Variants in D2HGDH observed in about 807,000 individuals in gnomAD.
D2HGDH encodes the protein D-2-hydroxyglutarate dehydrogenase, mitochondrial.
D2HGDH carries 31 observed loss-of-function variants against 46.9 expected under a neutral mutation model. The ratio of observed to expected loss-of-function variants is 0.66; its 90% CI spans 0.50 to 0.89. The LOEUF (loss-of-function observed/expected upper bound fraction) is 0.89, where lower values mean the gene tolerates loss of function less well. Among genes scored for constraint, D2HGDH ranks in the 40% least tolerant of loss-of-function variants. The pLI, the probability that D2HGDH is intolerant of heterozygous loss-of-function variation, is 0.00. For synonymous variants in D2HGDH, 364 were observed against 332.6 expected (o/e 1.09, Z -1.03); for missense variants, 698 against 720.8 (o/e 0.97, Z 0.36).
intron 9 of D2HGDH, among the ~76,000 whole-genome samples, chr2:241,760,662 C>G (rs893342498): frequency 6.6e-6 from 1 of 151,406 alleles, no homozygotes; most frequent in Non-Finnish European, 1.5e-5. Flanking sequence ...GGGCCTTACC[C>G]AATCAGTCGA....
intron 2 of D2HGDH, among the ~76,000 whole-genome samples, chr2:241,736,586 T>C (rs1692891028): frequency 6.6e-6 from 1 of 152,212 alleles, no homozygotes; most frequent in South Asian, 2.1e-4. Context: ...AAGACACTTC[T>C]CATTGGATTG....
At chr2:241,759,998 C>T (rs1484498640) in intron 9 of D2HGDH, among the ~76,000 whole-genome samples, 2 of 152,278 alleles carry the variant, frequency 1.3e-5, no homozygotes, top group Non-Finnish European at 2.9e-5. Flanking sequence ...GGAGATCTCC[C>T]ACCACAGTGT....
chr2:241,758,480 A>C (rs531197801), intron 9 of D2HGDH, among the ~76,000 whole-genome samples: 4 of 151,772 alleles, frequency 2.6e-5, no homozygotes, highest in Non-Finnish European at 5.9e-5. Context: ...GGATGCCCCC[A>C]CACCCTTTTT....
Position 241,753,615 on chromosome 2 carries a change from G to A in D2HGDH, c.1140+2227G>A, listed in dbSNP as rs554921409. ...CTGCCGCGGGGGCCCTGTGTTCAAC[G>A]GGGGACACTCAGCCCTGCCCAGGCC... On this transcript the variant is annotated intron_variant, in intron 8 of 9. Transcript: ENST00000321264. 2.4e-3 allele frequency among the ~76,000 whole-genome samples: 370 copies of A among 152,332 alleles called. 1 individual carries two copies. The highest frequency in any genetic ancestry group is 0.016 in the South Asian group (76 of 4,818).
Position 241,755,993 on chromosome 2 carries a change from G to T in D2HGDH, c.1285G>T (p.Val429Leu). 4.4e-6 allele frequency: 7 copies of T among 1,602,494 alleles called. No individual in the cohort carries two copies. The highest frequency in any genetic ancestry group is 6.0e-6 in the Non-Finnish European group (7 of 1,171,776). Residue 429 changes from valine (V) to leucine (L), a missense_variant, in exon 9 of 10, where the codon GTG becomes TTG. Transcript: ENST00000321264. Reference sequence around the variant, plus strand: ...CCGCCTCGGCCCGCACGCCAAGCACGTGGTGGGCTATGGCCACCTTGGTGA... The same window carrying T: ...CCGCCTCGGCCCGCACGCCAAGCACTTGGTGGGCTATGGCCACCTTGGTGA... ...RARLGPHAKH[V>L]VGYGHLGDGN...
intron 8 of D2HGDH, among the ~76,000 whole-genome samples, chr2:241,752,628 G>A (rs1697448896): frequency 6.6e-6 from 1 of 152,040 alleles, no homozygotes; most frequent in African/African-American, 2.4e-5. Flanking sequence ...GAAAGAGCAG[G>A]ACAGCCGCCG....
chr2:241,754,225 A>G (rs566482390), intron 8 of D2HGDH, among the ~76,000 whole-genome samples: 65 of 152,316 alleles, frequency 4.3e-4, no homozygotes, highest in African/African-American at 1.5e-3. Flanking sequence ...TGCCCGCCAG[A>G]CCATGGAGGC....
rs1445959568 is a variant in D2HGDH at position 241,751,408 on chromosome 2, C to T, written c.1140+20C>T. On this transcript the variant is annotated intron_variant, in intron 8 of 9. Coordinates refer to ENST00000321264, the MANE Select transcript of D2HGDH (RefSeq NM_152783.5). ...GTCAAGGTGCCCTGTGTCCTGCTTG[C>T]AGGTCCCCGCTCTCTGTCCGTCCAG... 2 of 1,612,176 alleles carry T rather than the reference C, an allele frequency of 1.2e-6. No individual in the cohort carries two copies. Among genetic ancestry groups the T allele is most frequent in the South Asian group, 1.1e-5 (1 of 90,924 alleles).
intron 6 of D2HGDH, 128 bp downstream of exon 6, chr2:241,745,005 C>G: frequency 8.0e-7 from 1 of 1,242,786 alleles, no homozygotes; most frequent in South Asian, 1.3e-5. Context: ...TCCCGTGTCT[C>G]CTGACATCTC....
At chr2:241,755,725 G>A (rs1366819174) in intron 8 of D2HGDH, 124 bp from the exon 9 acceptor site, 11 of 1,589,038 alleles carry the variant, frequency 6.9e-6, no homozygotes, top group Non-Finnish European at 9.4e-6. Flanking sequence ...TTGCTGTCCG[G>A]GGTCGGAGCC....
chr2:241,737,134 C>T (rs1053818995), intron 2 of D2HGDH, among the ~76,000 whole-genome samples: 1 of 152,034 alleles, frequency 6.6e-6, no homozygotes, highest in African/African-American at 2.4e-5. Flanking sequence ...ACGCCCGGCT[C>T]ATTCTTTTTG....
At chr2:241,764,278 T>G (rs1699086246) in intron 9 of D2HGDH, among the ~76,000 whole-genome samples, 1 of 152,220 alleles carries the variant, frequency 6.6e-6, no homozygotes, top group Admixed American at 6.5e-5. Flanking sequence ...AGAAATAGTT[T>G]TCTGTCTACC....
chr2:241,735,701 AC>A (rs1692586653), intron 2 of D2HGDH, among the ~76,000 whole-genome samples, 185 bp downstream of exon 2: 1 of 152,106 alleles, frequency 6.6e-6, no homozygotes, highest in Admixed American at 6.5e-5. Context: ...GCTTAGAACA[AC>A]CCAAGTTTTG....
chr2:241,756,433 A>G (rs1698189673), intron 9 of D2HGDH, among the ~76,000 whole-genome samples: 1 of 152,254 alleles, frequency 6.6e-6, no homozygotes, highest in Non-Finnish European at 1.5e-5. Context: ...GGAGGATTTC[A>G]AAACCACGTT....
At chr2:241,735,062 C>T in intron 1 of D2HGDH, 71 bp from the exon 2 acceptor site, 1 of 803,486 alleles carries the variant, frequency 1.2e-6, no homozygotes, top group Non-Finnish European at 1.8e-6. Context: ...CTGCCCCCTC[C>T]CTGCTTCTGC....
At chr2:241,754,652 G>A (rs111476809) in intron 8 of D2HGDH, 10,251 of 166,858 alleles carry the variant, frequency 0.061, 415 homozygotes, top group African/African-American at 0.11. Context: ...CACCCAGGCT[G>A]GAGTGCAGTG....
chr2:241,762,559 AGCCTCTTCAAACACC>A (rs1698925159), intron 9 of D2HGDH, among the ~76,000 whole-genome samples: 1 of 152,086 alleles, frequency 6.6e-6, no homozygotes, highest in African/African-American at 2.4e-5. Flanking sequence ...CAGCCACCAG[AGCCTCTTCAAACACC>A]GTTTCTCCCC....
chr2:241,756,974 G>T (rs1698250932), intron 9 of D2HGDH, among the ~76,000 whole-genome samples: 2 of 152,296 alleles, frequency 1.3e-5, no homozygotes, highest in South Asian at 2.1e-4. Context: ...TGGCACTGGA[G>T]TCACTGACCT....
At chr2:241,762,561 C>T (rs1698925373) in intron 9 of D2HGDH, among the ~76,000 whole-genome samples, 1 of 152,154 alleles carries the variant, frequency 6.6e-6, no homozygotes. Flanking sequence ...GCCACCAGAG[C>T]CTCTTCAAAC....
Sources: allele counts gnomAD v4.1 joint callset (sites outside exome capture counted in the v4.1 genomes callset), GRCh38; gene constraint gnomAD v4.1.1; transcripts MANE v1.5; gene names NCBI Gene and HGNC (gene_info 2026-07-23, HGNC 2026-07-21).